Variants in NFATC2 observed in about 807,000 individuals in gnomAD.
NFATC2 encodes nuclear factor of activated T cells 2.
NFATC2 carries 22 observed loss-of-function variants against 87.3 expected under a neutral mutation model. That is an observed-to-expected ratio of 0.25 (90% CI 0.18 to 0.36). The LOEUF (loss-of-function observed/expected upper bound fraction) is 0.36. Among genes scored for constraint, NFATC2 ranks in the 10% least tolerant of loss-of-function variants. The pLI, the probability that NFATC2 is intolerant of heterozygous loss-of-function variation, is 1.00. For missense variants in NFATC2, 1,149 were observed against 1,259.1 expected, an observed-to-expected ratio of 0.91 and a Z score of 1.32; for synonymous variants, 565 against 542.2, an observed-to-expected ratio of 1.04 and a Z score of -0.58.
intron 1 of NFATC2, among the ~76,000 whole-genome samples, chr20:51,529,877 C>T (rs1172795441): frequency 6.6e-6 from 1 of 152,112 alleles, no homozygotes; most frequent in Admixed American, 6.5e-5. Flanking sequence ...TCAAGCAAGA[C>T]ACAGTGGCTG....
chr20:51,535,530 A>G (rs1208242623), intron 1 of NFATC2, among the ~76,000 whole-genome samples: 1 of 152,172 alleles, frequency 6.6e-6, no homozygotes, highest in Non-Finnish European at 1.5e-5. Flanking sequence ...AGGAGCTTTC[A>G]TTTCAGTGCC....
intron 6 of NFATC2, among the ~76,000 whole-genome samples, chr20:51,438,433 A>T (rs1411991444): frequency 8.3e-6 from 1 of 119,832 alleles, no homozygotes; most frequent in African/African-American, 3.3e-5. Flanking sequence ...CACTTATATG[A>T]GCTTGCTTTG....
At chr20:51,501,196 G>C (rs757373028) in intron 3 of NFATC2, among the ~76,000 whole-genome samples, 3 of 152,054 alleles carry the variant, frequency 2.0e-5, no homozygotes, top group Non-Finnish European at 4.4e-5. Context: ...GCAGGTATGC[G>C]TCAGAACACT....
intron 9 of NFATC2, among the ~76,000 whole-genome samples, chr20:51,401,951 T>C (rs1988091431): frequency 6.6e-6 from 1 of 152,222 alleles, no homozygotes; most frequent in Non-Finnish European, 1.5e-5. Flanking sequence ...CTCACAGGCA[T>C]GCACGTTTGA....
chr20:51,433,890 G>A lies in NFATC2; in HGVS notation c.2033-1134C>T, dbSNP rs570008615. Reference sequence around the variant, plus strand: ...TTGTCCCTCGAGGTGCCATTCAAAGGCCATCACCTCACTCCCTGGCCCAAC... The same window carrying A: ...TTGTCCCTCGAGGTGCCATTCAAAGACCATCACCTCACTCCCTGGCCCAAC... On this transcript the variant is annotated intron_variant, in intron 8 of 10. Transcript: ENST00000371564. Among the ~76,000 whole-genome samples, 6 of 151,976 alleles carry A rather than the reference G, an allele frequency of 3.9e-5. No individual in the cohort carries two copies. The South Asian group carries it at 1.2e-3, about 32-fold the overall frequency.
chr20:51,397,019 C>T (rs1045000018), intron 10 of NFATC2, among the ~76,000 whole-genome samples: 1 of 65,162 alleles, frequency 1.5e-5, no homozygotes, highest in Non-Finnish European at 2.7e-5. Flanking sequence ...GATTCTCCTG[C>T]CTCAACCTCC....
At chr20:51,408,953 C>T (rs772204159) in intron 9 of NFATC2, among the ~76,000 whole-genome samples, 19 of 152,144 alleles carry the variant, frequency 1.2e-4, no homozygotes, top group Non-Finnish European at 2.8e-4. Flanking sequence ...AACACATCAT[C>T]CTAAACTACA....
At chr20:51,408,789 C>T (rs1978766443) in intron 9 of NFATC2, among the ~76,000 whole-genome samples, 1 of 152,170 alleles carries the variant, frequency 6.6e-6, no homozygotes, top group South Asian at 2.1e-4. Flanking sequence ...GAAAGATTTT[C>T]TGACCCACTG....
chr20:51,539,731 T>C (rs2076776441), intron 1 of NFATC2, among the ~76,000 whole-genome samples: 1 of 152,180 alleles, frequency 6.6e-6, no homozygotes, highest in African/African-American at 2.4e-5. Flanking sequence ...AGCCCTGGAC[T>C]CAAGCAATCT....
intron 3 of NFATC2, among the ~76,000 whole-genome samples, chr20:51,481,472 G>A (rs776335900): frequency 6.6e-5 from 10 of 152,060 alleles, no homozygotes; most frequent in African/African-American, 9.7e-5. Flanking sequence ...CAAAGGAAAC[G>A]CCACTTCCTG....
At chr20:51,494,329 G>T (rs1200419746) in intron 3 of NFATC2, among the ~76,000 whole-genome samples, 4 of 151,742 alleles carry the variant, frequency 2.6e-5, no homozygotes, top group African/African-American at 9.7e-5. Flanking sequence ...AAATCTGGCG[G>T]CTTCCCTGGC....
chr20:51,551,568 A>ATT (rs528455167), intron 1 of NFATC2, among the ~76,000 whole-genome samples: 15 of 103,716 alleles, frequency 1.4e-4, no homozygotes, highest in Non-Finnish European at 1.6e-4. Context: ...ATGCCCTGCT[A>ATT]TTTTTTTTTT....
chr20:51,538,239 A>G (rs1600986840), intron 1 of NFATC2, among the ~76,000 whole-genome samples: 1 of 152,262 alleles, frequency 6.6e-6, no homozygotes, highest in African/African-American at 2.4e-5. Context: ...CACCAAGTGG[A>G]GTCCATACCA....
intron 3 of NFATC2, among the ~76,000 whole-genome samples, chr20:51,509,919 A>T (rs1243226839): frequency 2.0e-5 from 3 of 152,120 alleles, no homozygotes; most frequent in Admixed American, 6.5e-5. Context: ...GCCCTCACTC[A>T]CCTCCCTGCA....
chr20:51,456,628 G>T (rs528708409), intron 5 of NFATC2, among the ~76,000 whole-genome samples: 1 of 152,352 alleles, frequency 6.6e-6, no homozygotes, highest in East Asian at 1.9e-4. Flanking sequence ...CAAGAGGCCA[G>T]GCCCGCCCCC....
chr20:51,391,548 G>T, intron 10 of NFATC2, 97 bp from the exon 11 acceptor site: 1 of 1,301,472 alleles, frequency 7.7e-7, no homozygotes, highest in Non-Finnish European at 1.1e-6. Flanking sequence ...CCTCTATTGG[G>T]CTATTGATTT....
rs111677270 is a variant in NFATC2 at position 51,439,298 on chromosome 20, G to T, written c.1850-3537C>A. Among the ~76,000 whole-genome samples, 681 of 152,308 alleles carry T rather than the reference G, an allele frequency of 4.5e-3. 5 individuals are homozygous for T. Among genetic ancestry groups the T allele is most frequent in the Admixed American group, 0.018 (268 of 15,308 alleles). ...TCTGTACAGCACCCATAGGAGGCAG[G>T]TCTCCTCACCCCATCCTACAGGGGA... On this transcript the variant is annotated intron_variant, in intron 6 of 10. Transcript: ENST00000371564.
intron 9 of NFATC2, among the ~76,000 whole-genome samples, chr20:51,413,892 C>T (rs1026227478): frequency 6.6e-6 from 1 of 152,210 alleles, no homozygotes; most frequent in Non-Finnish European, 1.5e-5. Context: ...TATAAAATGC[C>T]TCTGCGGCTG....
At chr20:51,447,524 C>T (rs933849200) in intron 6 of NFATC2, among the ~76,000 whole-genome samples, 6 of 152,204 alleles carry the variant, frequency 3.9e-5, no homozygotes, top group Non-Finnish European at 7.3e-5. Context: ...TTGGATCCCA[C>T]CCAGGCGCAG....
Sources: gnomAD v4.1 joint callset for allele counts (sites outside exome capture counted in the v4.1 genomes callset) on GRCh38, gnomAD v4.1.1 for gene constraint, MANE v1.5 for transcripts, NCBI Gene and HGNC (gene_info 2026-07-23, HGNC 2026-07-21) for gene names.